The following SLC8A1 variants were observed in gnomAD, a reference collection of about 807,000 sequenced individuals.
SLC8A1 encodes sodium/calcium exchanger 1.
Under a neutral mutation model 68.3 loss-of-function variants are expected in SLC8A1, and 18 were observed. That is an observed-to-expected ratio of 0.26 (90% CI 0.18 to 0.39). SLC8A1 has a LOEUF of 0.39. SLC8A1 is among the 10% of genes least tolerant of loss of function. SLC8A1 has a pLI of 1.00. For synonymous variants in SLC8A1, 475 were observed against 415.5 expected (o/e 1.14, Z -1.74); for missense variants, 985 against 1,156.7 (o/e 0.85, Z 2.15).
intron 2 of SLC8A1, among the ~76,000 whole-genome samples, chr2:40,320,145 G>A (rs115067949): frequency 0.011 from 1,647 of 152,132 alleles, 34 homozygotes; most frequent in African/African-American, 0.038. Context: ...GTCTCTCACA[G>A]CCTGTATAGT....
Position 40,383,925 on chromosome 2 carries a change from A to G in SLC8A1, c.1808+44548T>C, listed in dbSNP as rs73928961. ...CCTTCAGTCATTCACAGATCTGGTA[A>G]CAGGGCATCTGCGAACTTTACAATT... On this transcript the variant is annotated intron_variant, in intron 2 of 7. Transcript: ENST00000406785. Among the ~76,000 whole-genome samples the G allele has an allele frequency of 2.5e-3, 380 of 152,256 alleles. 2 individuals carry two copies. The highest frequency in any genetic ancestry group is 8.8e-3 in the African/African-American group (365 of 41,570).
intron 2 of SLC8A1, among the ~76,000 whole-genome samples, chr2:40,366,172 G>A (rs541014692): frequency 1.4e-3 from 214 of 152,058 alleles, no homozygotes; most frequent in Middle Eastern, 6.8e-3. Flanking sequence ...CCTCATAAGG[G>A]CACTGTCAAA....
intron 2 of SLC8A1, among the ~76,000 whole-genome samples, chr2:40,183,152 C>T (rs555768372): frequency 1.3e-5 from 2 of 152,302 alleles, no homozygotes; most frequent in African/African-American, 4.8e-5. Flanking sequence ...CAATGACTCT[C>T]AGAGAAGTTG....
At chr2:40,471,548 C>T (rs923791216) in intron 1 of SLC8A1, among the ~76,000 whole-genome samples, 7 of 152,210 alleles carry the variant, frequency 4.6e-5, no homozygotes, top group East Asian at 1.9e-4. Flanking sequence ...AGTAATAAAC[C>T]GTAAGCTAAG....
chr2:40,448,548 T>C lies in SLC8A1; in HGVS notation c.-25+3356A>G, dbSNP rs1378267871. Among the ~76,000 whole-genome samples, 4 of 152,138 alleles carry C rather than the reference T, an allele frequency of 2.6e-5. No individual in the cohort carries two copies. In the East Asian group the frequency reaches 7.7e-4, roughly 29 times the overall value. On this transcript the variant is annotated intron_variant, in intron 1 of 7. Transcript: ENST00000406785. ...AAAGTGGAAACAGCTAGTACAGAAATCCACTGGTTTTGTTAGCCACCTTTA... is the reference window on the plus strand; with the variant it reads ...AAAGTGGAAACAGCTAGTACAGAAACCCACTGGTTTTGTTAGCCACCTTTA...
At chr2:40,415,103 A>G (rs1479006964) in intron 2 of SLC8A1, among the ~76,000 whole-genome samples, 1 of 152,192 alleles carries the variant, frequency 6.6e-6, no homozygotes, top group African/African-American at 2.4e-5. Context: ...GATAGCCTAT[A>G]AGGCACAGTA....
At chr2:40,164,275 C>A (rs1040371028) in intron 5 of SLC8A1, among the ~76,000 whole-genome samples, 2 of 152,198 alleles carry the variant, frequency 1.3e-5, no homozygotes, top group Non-Finnish European at 2.9e-5. Context: ...ATCTAGAGAA[C>A]TGAGAATCCA....
At chr2:40,302,123 C>T (rs2071601775) in intron 2 of SLC8A1, among the ~76,000 whole-genome samples, 1 of 145,958 alleles carries the variant, frequency 6.9e-6, no homozygotes, top group South Asian at 2.2e-4. Flanking sequence ...TCTTGAACTC[C>T]TGATCTCAAG....
In SLC8A1 at chr2:40,241,382, C is replaced by T. The variant is rs147986561; in HGVS notation, c.1809-63527G>A. Reference sequence around the variant, plus strand: ...GGCATGGGTTGAAAAACTACTTTATCAGTACTGTACTCAGTACCTGAATGA... The same window carrying T: ...GGCATGGGTTGAAAAACTACTTTATTAGTACTGTACTCAGTACCTGAATGA... On this transcript the variant is annotated intron_variant, in intron 2 of 7. Coordinates refer to ENST00000406785, the Ensembl canonical transcript of SLC8A1. Among the ~76,000 whole-genome samples the T allele has an allele frequency of 8.5e-4, 130 of 152,088 alleles. 1 individual carries two copies. The highest frequency in any genetic ancestry group is 3.1e-3 in the African/African-American group (127 of 41,484).
At chr2:40,207,399 A>G (rs2055660191) in intron 2 of SLC8A1, among the ~76,000 whole-genome samples, 1 of 152,000 alleles carries the variant, frequency 6.6e-6, no homozygotes, top group African/African-American at 2.4e-5. Context: ...ATGGCAATAT[A>G]TTGGATGGTC....
At chr2:40,497,410 G>A (rs1256595174) in intron 1 of SLC8A1, among the ~76,000 whole-genome samples, 2 of 151,976 alleles carry the variant, frequency 1.3e-5, no homozygotes, top group Non-Finnish European at 2.9e-5. Context: ...GTCTAATGAG[G>A]AGATAGAAAA....
chr2:40,281,051 A>G (rs2067441391), intron 2 of SLC8A1, among the ~76,000 whole-genome samples: 1 of 152,194 alleles, frequency 6.6e-6, no homozygotes, highest in African/African-American at 2.4e-5. Flanking sequence ...TCTTGCACTT[A>G]TAACTTGCCT....
chr2:40,268,488 C>T (rs75131763), intron 2 of SLC8A1, among the ~76,000 whole-genome samples: 1 of 152,274 alleles, frequency 6.6e-6, no homozygotes, highest in African/African-American at 2.4e-5. Context: ...ACTGGTGGTG[C>T]ATTTGCAGCT....
chr2:40,467,211 A>G (rs1007807651), intron 1 of SLC8A1, among the ~76,000 whole-genome samples: 1 of 152,114 alleles, frequency 6.6e-6, no homozygotes, highest in African/African-American at 2.4e-5. Context: ...CTCAGCTTCA[A>G]TTTTTACGTG....
chr2:40,278,237 G>A (rs937216422), intron 2 of SLC8A1, among the ~76,000 whole-genome samples: 1 of 152,070 alleles, frequency 6.6e-6, no homozygotes, highest in East Asian at 1.9e-4. Context: ...TTGGGAGGCC[G>A]AGGCGTGTGG....
At chr2:40,150,413 A>C (rs953914280) in intron 6 of SLC8A1, among the ~76,000 whole-genome samples, 8 of 152,128 alleles carry the variant, frequency 5.3e-5, no homozygotes, top group Non-Finnish European at 1.0e-4. Context: ...TCTTTGGGTT[A>C]GGCTGCAATG....
chr2:40,284,972 G>C (rs932486682), intron 2 of SLC8A1, among the ~76,000 whole-genome samples: 2 of 152,078 alleles, frequency 1.3e-5, no homozygotes, highest in African/African-American at 4.8e-5. Flanking sequence ...TTTATAACCA[G>C]AGAATGTCAG....
intron 2 of SLC8A1, among the ~76,000 whole-genome samples, chr2:40,201,102 C>G (rs2054281699): frequency 6.6e-6 from 1 of 151,232 alleles, no homozygotes; most frequent in African/African-American, 2.4e-5. Flanking sequence ...AACGGAGACC[C>G]CCACTCCCTC....
Position 40,387,440 on chromosome 2 carries a change from T to C in SLC8A1, c.1808+41033A>G, listed in dbSNP as rs572678472. ...GTTTCCAAAACTCAAACTTTTTTTT[T>C]CCATAATTTTTGCAAAGCTAATTGA... On this transcript the variant is annotated intron_variant, in intron 2 of 7. Transcript: ENST00000406785. Among the ~76,000 whole-genome samples the C allele has an allele frequency of 5.9e-5, 9 of 151,472 alleles. No individual in the cohort carries two copies. The South Asian group carries it at 8.3e-4, about 14-fold the overall frequency.
Sources: allele counts gnomAD v4.1 joint callset (sites outside exome capture counted in the v4.1 genomes callset), GRCh38; gene constraint gnomAD v4.1.1; transcripts MANE v1.5; gene names NCBI Gene and HGNC (gene_info 2026-07-23, HGNC 2026-07-21).